The following SEC63 variants were observed in gnomAD, a reference collection of about 807,000 sequenced individuals.
SEC63 encodes SEC63 protein translocation regulator.
A neutral mutation model predicts 116.2 loss-of-function variants in SEC63; 56 were observed. That is an observed-to-expected ratio of 0.48 (90% confidence interval 0.39 to 0.60). The LOEUF (loss-of-function observed/expected upper bound fraction) is 0.60. Among genes scored for constraint, SEC63 ranks in the 20% least tolerant of loss-of-function variants. The pLI is 0.00. For synonymous variants in SEC63, 273 were observed against 294.6 expected (o/e 0.93, Z 0.75); for missense variants, 668 against 900.0 (o/e 0.74, Z 3.30).
At chr6:107,920,711 G>A (rs1787536064) in intron 4 of SEC63, among the ~76,000 whole-genome samples, 1 of 152,162 alleles carries the variant, frequency 6.6e-6, no homozygotes, top group African/African-American at 2.4e-5. Context: ...TAAGAGCTAT[G>A]TGGGGATGTA....
chr6:107,945,636 G>A (rs901814783), intron 1 of SEC63, among the ~76,000 whole-genome samples: 23 of 151,726 alleles, frequency 1.5e-4, no homozygotes, highest in African/African-American at 5.6e-4. Context: ...GAACAGCATC[G>A]CCTTTCAAAG....
At chr6:107,882,543 C>A (rs1009857949) in intron 17 of SEC63, among the ~76,000 whole-genome samples, 7 of 152,130 alleles carry the variant, frequency 4.6e-5, no homozygotes, top group Admixed American at 4.6e-4. Flanking sequence ...TAGCTTTTCC[C>A]TTAACCAACC....
Sources: gnomAD v4.1 joint callset for allele counts (sites outside exome capture counted in the v4.1 genomes callset) on GRCh38, gnomAD v4.1.1 for gene constraint, MANE v1.5 for transcripts, NCBI Gene and HGNC (gene_info 2026-07-23, HGNC 2026-07-21) for gene names.